VPS8: variants seen among roughly 807,000 people sequenced by gnomAD.
VPS8 encodes the protein vacuolar protein sorting-associated protein 8 homolog.
VPS8 carries 129 observed loss-of-function variants against 216.4 expected under a neutral mutation model. The ratio of observed to expected loss-of-function variants is 0.60; its 90% CI spans 0.52 to 0.69. VPS8 has a LOEUF of 0.69. Among genes scored for constraint, VPS8 ranks in the 30% least tolerant of loss-of-function variants. VPS8 has a pLI of 0.00. For synonymous variants in VPS8, 571 were observed against 565.4 expected, an observed-to-expected ratio of 1.01 and a Z score of -0.14; for missense variants, 1,531 against 1,683.5, an observed-to-expected ratio of 0.91 and a Z score of 1.59.
intron 25 of VPS8, among the ~76,000 whole-genome samples, chr3:184,904,243 A>G (rs907614421): frequency 6.6e-6 from 1 of 152,186 alleles, no homozygotes; most frequent in African/African-American, 2.4e-5. Context: ...TGGGCTGACT[A>G]CACCCACTAA....
chr3:184,873,879 G>A (rs1415206225), intron 21 of VPS8, among the ~76,000 whole-genome samples: 5 of 152,046 alleles, frequency 3.3e-5, no homozygotes, highest in African/African-American at 1.2e-4. Flanking sequence ...TTCAAATAAG[G>A]CATTCTTGAT....
At chr3:184,900,867 T>A (rs2108985221) in intron 24 of VPS8, 54 bp from the exon 25 acceptor site, 1 of 1,462,264 alleles carries the variant, frequency 6.8e-7, no homozygotes. Flanking sequence ...TCTTATTTTT[T>A]AAATAATATC....
chr3:184,880,133 A>G (rs1730021596), intron 21 of VPS8, among the ~76,000 whole-genome samples: 1 of 152,200 alleles, frequency 6.6e-6, no homozygotes, highest in African/African-American at 2.4e-5. Context: ...CTCAGTTGCA[A>G]GAAATAATGC....
intron 1 of VPS8, among the ~76,000 whole-genome samples, chr3:184,819,721 G>T: frequency 6.6e-6 from 1 of 152,138 alleles, no homozygotes; most frequent in East Asian, 1.9e-4. Flanking sequence ...CAATGCGGGG[G>T]TTAAGGGCAC....
chr3:184,922,338 C>A, intron 29 of VPS8: 1 of 411,874 alleles, frequency 2.4e-6, no homozygotes, highest in Admixed American at 2.9e-5. Flanking sequence ...ATTTTCTTAT[C>A]TGTCTTATGT....
intron 28 of VPS8, 33 bp from the exon 29 acceptor site, chr3:184,920,094 A>G (rs1253563262): frequency 2.5e-5 from 35 of 1,390,118 alleles, no homozygotes; most frequent in Non-Finnish European, 3.4e-5. Context: ...TGCAAATAAT[A>G]ATTACTTTAA....
At chr3:184,894,336 T>C (rs1362167710) in intron 22 of VPS8, among the ~76,000 whole-genome samples, 1 of 152,076 alleles carries the variant, frequency 6.6e-6, no homozygotes, top group Non-Finnish European at 1.5e-5. Flanking sequence ...AGAAGCAATA[T>C]GCCACAATAG....
intron 36 of VPS8, chr3:184,944,596 A>G: frequency 6.1e-6 from 6 of 984,326 alleles, no homozygotes; most frequent in Non-Finnish European, 7.2e-6. Flanking sequence ...ATGTGCAAGT[A>G]TATTTATATT....
At chr3:184,926,409 G>A (rs1739656435) in intron 30 of VPS8, among the ~76,000 whole-genome samples, 185 bp from the exon 31 acceptor site, 1 of 147,234 alleles carries the variant, frequency 6.8e-6, no homozygotes, top group South Asian at 2.1e-4. Flanking sequence ...TAAATAGTTA[G>A]CACACCTGCA....
intron 28 of VPS8, among the ~76,000 whole-genome samples, chr3:184,918,584 C>T (rs1738028733): frequency 6.6e-6 from 1 of 152,174 alleles, no homozygotes; most frequent in African/African-American, 2.4e-5. Context: ...ATTATGTTCA[C>T]AGAATCAAAC....
At chr3:184,940,270 T>TTATATATATATATA (rs5855048) in intron 36 of VPS8, 27 bp downstream of exon 36, 24 of 579,890 alleles carry the variant, frequency 4.1e-5, no homozygotes, top group African/African-American at 3.6e-4. Context: ...TAGTCTTTCA[T>TTATATATATATATA]TATATATATA....
In VPS8 at chr3:184,944,424, C is replaced by G. The variant is rs138874823; in HGVS notation, c.3035+4181C>G. The G allele has an allele frequency of 2.8e-3, 2,209 of 799,776 alleles. 43 individuals carry two copies. The African/African-American group carries it at 0.036, about 13-fold the overall frequency. 49.5% of individuals were successfully genotyped at this position (799,776 alleles called of 1,614,324 possible). A position where few individuals can be genotyped will look rare whatever the true frequency, so the allele number is the denominator to read the frequency against. ...GCTACGTAAAGCCCGACTCTACCCCCATCCCCTGGGTGCATTGCTGCTGGC... is the reference window on the plus strand; with the variant it reads ...GCTACGTAAAGCCCGACTCTACCCCGATCCCCTGGGTGCATTGCTGCTGGC... On this transcript the variant is annotated intron_variant, in intron 36 of 47. Coordinates refer to ENST00000625842, the MANE Select transcript of VPS8 (RefSeq NM_001009921.3).
intron 12 of VPS8, 31 bp downstream of exon 12, chr3:184,854,041 C>A (rs1435765072): frequency 1.9e-6 from 3 of 1,612,438 alleles, no homozygotes; most frequent in Non-Finnish European, 2.5e-6. Context: ...AAACTCAGAA[C>A]TTTTAGAAGC....
intron 45 of VPS8, 83 bp downstream of exon 45, chr3:184,999,944 A>G (rs771109001): frequency 3.8e-5 from 55 of 1,446,124 alleles, no homozygotes; most frequent in Non-Finnish European, 4.6e-5. Context: ...CTTCGGTTCC[A>G]TAGGTCTCAA....
chr3:184,832,933 T>C, intron 4 of VPS8, 114 bp downstream of exon 4: 2 of 1,283,046 alleles, frequency 1.6e-6, no homozygotes, highest in South Asian at 1.5e-5. Context: ...GCATGGGAAG[T>C]AGAAGGGATA....
At chr3:184,911,264 C>G (rs1560635863) in intron 25 of VPS8, among the ~76,000 whole-genome samples, 2 of 152,210 alleles carry the variant, frequency 1.3e-5, no homozygotes, top group South Asian at 2.1e-4. Flanking sequence ...GTCACATACT[C>G]TGCTCATAAG....
chr3:184,987,194 A>C (rs1157065313), intron 42 of VPS8, among the ~76,000 whole-genome samples: 1 of 152,122 alleles, frequency 6.6e-6, no homozygotes, highest in Non-Finnish European at 1.5e-5. Context: ...GCTCACTGCA[A>C]CGTCCACCTC....
At chr3:184,911,563 A>G (rs1361812868) in intron 25 of VPS8, among the ~76,000 whole-genome samples, 1 of 152,248 alleles carries the variant, frequency 6.6e-6, no homozygotes, top group Non-Finnish European at 1.5e-5. Flanking sequence ...CAAGAGGGAA[A>G]AGAGGAACAG....
In VPS8 at chr3:184,900,909, A is replaced by T. The variant is rs929753561; in HGVS notation, c.2095-12A>T. On this transcript the variant is annotated splice_polypyrimidine_tract_variant and intron_variant, in intron 24 of 47. Coordinates refer to ENST00000625842, the MANE Select transcript of VPS8 (RefSeq NM_001009921.3). ...GATGATGATGATTGTTTTCCTATTA[A>T]TTTTAATGCAGAAACTTTTCAGAGT... 6.3e-7 allele frequency: 1 copy of T among 1,598,428 alleles called. No homozygotes were observed. The highest frequency in any genetic ancestry group is 1.4e-5 in the African/African-American group (1 of 73,894).
Sources: gnomAD v4.1 joint callset for allele counts (sites outside exome capture counted in the v4.1 genomes callset) on GRCh38, gnomAD v4.1.1 for gene constraint, MANE v1.5 for transcripts, NCBI Gene and HGNC (gene_info 2026-07-23, HGNC 2026-07-21) for gene names.